The following DENND6A variants were observed in gnomAD, a reference collection of about 807,000 sequenced individuals.
DENND6A encodes protein DENND6A.
DENND6A carries 43 observed loss-of-function variants against 95.5 expected under a neutral mutation model. That is an observed-to-expected ratio of 0.45 (90% CI 0.35 to 0.58). The LOEUF (loss-of-function observed/expected upper bound fraction) is 0.58. Among genes scored for constraint, DENND6A ranks in the 20% least tolerant of loss-of-function variants. The pLI is 0.00. For synonymous variants in DENND6A, 257 were observed against 260.4 expected (o/e 0.99, Z 0.13); for missense variants, 574 against 736.0 (o/e 0.78, Z 2.55).
Position 57,657,670 on chromosome 3 carries a change from T to A in DENND6A, c.818+10A>T. On this transcript the variant is annotated intron_variant, in intron 9 of 19. Transcript: ENST00000311128. ...AAGGAAGTCAGTTAATAAAATTTTT[T>A]ATTCTTTACCTGAAAATATCCACCT... 1 of 1,542,378 alleles carries A rather than the reference T, an allele frequency of 6.5e-7. No individual in the cohort carries two copies. Among genetic ancestry groups the A allele is most frequent in the Non-Finnish European group, 8.9e-7 (1 of 1,125,646 alleles).
chr3:57,677,818 A>G (rs2071738933), intron 1 of DENND6A, among the ~76,000 whole-genome samples: 1 of 152,140 alleles, frequency 6.6e-6, no homozygotes, highest in African/African-American at 2.4e-5. Flanking sequence ...ATTAGATCTC[A>G]ACATTCTTCC....
chr3:57,687,369 T>A (rs980786794), intron 1 of DENND6A, among the ~76,000 whole-genome samples: 1 of 152,120 alleles, frequency 6.6e-6, no homozygotes, highest in Non-Finnish European at 1.5e-5. Flanking sequence ...AGGTGATGAA[T>A]CCGCAGAAGA....
At chr3:57,653,900 C>T (rs1242006395) in intron 9 of DENND6A, among the ~76,000 whole-genome samples, 1 of 150,452 alleles carries the variant, frequency 6.6e-6, no homozygotes, top group African/African-American at 2.4e-5. Context: ...AAGCTCCCAC[C>T]ACCAAAACAG....
Position 57,692,805 on chromosome 3 carries a change from G to A in DENND6A, c.214C>T (p.Leu72=), listed in dbSNP as rs1286850019. 7 of 1,559,824 alleles carry A rather than the reference G, an allele frequency of 4.5e-6. No individual in the cohort carries two copies. Among genetic ancestry groups the A allele is most frequent in the Non-Finnish European group, 5.2e-6 (6 of 1,157,554 alleles). ...ACCTCCACGGCCTGGCCCAGCTCCAGGTCGAAGCCCACCACACACACGCAG... is the reference window on the plus strand; with the variant it reads ...ACCTCCACGGCCTGGCCCAGCTCCAAGTCGAAGCCCACCACACACACGCAG... The part of the protein sequence containing the change: ...LHCVCVVGFD[L]ELGQAVEVIY... Residue 72 remains leucine (L), a synonymous_variant, in exon 1 of 20, where the codon CTG becomes TTG. Transcript: ENST00000311128.
intron 12 of DENND6A, among the ~76,000 whole-genome samples, chr3:57,637,250 C>T (rs1440324844): frequency 6.6e-6 from 1 of 151,690 alleles, no homozygotes; most frequent in Non-Finnish European, 1.5e-5. Flanking sequence ...TGCCATCATT[C>T]ATTCTGATTA....
At chr3:57,692,697 C>A (rs1575880313) in intron 1 of DENND6A, 85 bp downstream of exon 1, 2 of 1,265,644 alleles carry the variant, frequency 1.6e-6, no homozygotes, top group Admixed American at 4.0e-5. Flanking sequence ...AGGGTCCTGG[C>A]CGGTCAGCCC....
intron 9 of DENND6A, chr3:57,654,716 G>A: frequency 1.0e-6 from 1 of 984,634 alleles, no homozygotes; most frequent in South Asian, 4.7e-5. Context: ...CGTGGTCCAT[G>A]GAATAGACCT....
chr3:57,663,756 CAT>C, intron 4 of DENND6A, 40 bp from the exon 5 acceptor site: 4 of 1,249,594 alleles, frequency 3.2e-6, no homozygotes, highest in Non-Finnish European at 4.5e-6. Context: ...TGGGGGGGTA[CAT>C]ATATATGTAT....
chr3:57,691,669 CAAAAAAAAAAAAAA>C (rs71091304), intron 1 of DENND6A, among the ~76,000 whole-genome samples: 1 of 93,598 alleles, frequency 1.1e-5, no homozygotes, highest in African/African-American at 4.4e-5. Context: ...TCACCAATAC[CAAAAAAAAAAAAAA>C]AAAAAAAAAA....
chr3:57,644,009 G>A (rs1046053981), intron 11 of DENND6A, among the ~76,000 whole-genome samples: 1 of 151,482 alleles, frequency 6.6e-6, no homozygotes, highest in African/African-American at 2.4e-5. Context: ...AATTAGCTGG[G>A]TGTGATAGTG....
In DENND6A at chr3:57,692,834, A is replaced by G. The variant is rs1183998065; in HGVS notation, c.185T>C (p.Leu62Pro). The G allele has an allele frequency of 6.3e-7, 1 of 1,583,080 alleles. No individual in the cohort carries two copies. Among genetic ancestry groups the G allele is most frequent in the East Asian group, 2.4e-5 (1 of 41,112 alleles). Reference sequence around the variant, plus strand: ...GAAGCCCACCACACACACGCAGTGCAGCCAGGCGGAGAAGCTGTCCCAGCG... The same window carrying G: ...GAAGCCCACCACACACACGCAGTGCGGCCAGGCGGAGAAGCTGTCCCAGCG... The part of the protein sequence containing the change: ...LLRWDSFSAW[L>P]HCVCVVGFDL... Residue 62 changes from leucine to proline, a missense_variant, in exon 1 of 20, where the codon CTG becomes CCG. By Grantham distance (98) the Leu-to-Pro change is moderately conservative (BLOSUM62 -3). Coordinates refer to ENST00000311128, the MANE Select transcript of DENND6A (RefSeq NM_152678.3).
intron 9 of DENND6A, among the ~76,000 whole-genome samples, chr3:57,656,996 T>A (rs2071339699): frequency 6.6e-6 from 1 of 152,142 alleles, no homozygotes; most frequent in African/African-American, 2.4e-5. Context: ...AAAAATCCAT[T>A]TTAAGTCTTT....
intron 18 of DENND6A, 60 bp downstream of exon 18, chr3:57,630,361 G>A (rs1367352464): frequency 4.2e-6 from 6 of 1,420,498 alleles, no homozygotes; most frequent in Non-Finnish European, 5.7e-6. Context: ...CAACTTCTAA[G>A]CATAATTATC....
intron 9 of DENND6A, among the ~76,000 whole-genome samples, chr3:57,650,235 A>C (rs1430279706): frequency 1.3e-5 from 2 of 151,926 alleles, no homozygotes; most frequent in Non-Finnish European, 1.5e-5. Context: ...AGAAATCATC[A>C]CTAAAGAACT....
chr3:57,677,825 T>C (rs1463118625), intron 1 of DENND6A, among the ~76,000 whole-genome samples: 1 of 152,166 alleles, frequency 6.6e-6, no homozygotes, highest in Non-Finnish European at 1.5e-5. Context: ...CTCAACATTC[T>C]TCCTGGCTTT....
intron 12 of DENND6A, among the ~76,000 whole-genome samples, chr3:57,641,198 T>A (rs2070922851): frequency 6.9e-6 from 1 of 144,794 alleles, no homozygotes; most frequent in African/African-American, 2.5e-5. Context: ...TTATATATAT[T>A]TAAATATTTA....
chr3:57,631,091 G>A (rs1165450100), intron 15 of DENND6A, 113 bp from the exon 16 acceptor site: 8 of 836,752 alleles, frequency 9.6e-6, no homozygotes, highest in Non-Finnish European at 1.5e-5. Flanking sequence ...TCAATGGACA[G>A]CAACAACTCC....
At chr3:57,635,504 C>G (rs2070772832) in intron 12 of DENND6A, among the ~76,000 whole-genome samples, 1 of 152,152 alleles carries the variant, frequency 6.6e-6, no homozygotes, top group South Asian at 2.1e-4. Context: ...TCTCCACCCT[C>G]CCTCTTCTCT....
chr3:57,645,495 G>A (rs781556426), intron 11 of DENND6A, among the ~76,000 whole-genome samples, 166 bp downstream of exon 11: 2 of 151,842 alleles, frequency 1.3e-5, no homozygotes, highest in Non-Finnish European at 2.9e-5. Context: ...ACATAAAATC[G>A]CTCAAATAAG....
Sources: allele counts gnomAD v4.1 joint callset (sites outside exome capture counted in the v4.1 genomes callset), GRCh38; gene constraint gnomAD v4.1.1; transcripts MANE v1.5; gene names NCBI Gene and HGNC (gene_info 2026-07-23, HGNC 2026-07-21).